The following DDX10 variants were observed in gnomAD, a reference collection of about 807,000 sequenced individuals.
DDX10 encodes the protein probable ATP-dependent RNA helicase DDX10.
A neutral mutation model predicts 104.3 loss-of-function variants in DDX10; 74 were observed. That is an observed-to-expected ratio of 0.71 (90% confidence interval 0.59 to 0.86). The LOEUF is 0.86. Ranked by LOEUF, DDX10 falls within the 40% of genes least tolerant of loss-of-function variation. DDX10 has a pLI of 0.00. For missense variants in DDX10, 952 were observed against 1,040.0 expected (o/e 0.92, Z 1.16); for synonymous variants, 351 against 353.4 (o/e 0.99, Z 0.08).
chr11:108,724,309 T>G (rs188263879), intron 13 of DDX10, among the ~76,000 whole-genome samples: 1 of 152,094 alleles, frequency 6.6e-6, no homozygotes, highest in African/African-American at 2.4e-5. Flanking sequence ...GAAAATGTGC[T>G]TATTGAACAC....
chr11:108,796,238 TC>T (rs1861939694), intron 13 of DDX10, among the ~76,000 whole-genome samples: 1 of 152,246 alleles, frequency 6.6e-6, no homozygotes, highest in Admixed American at 6.5e-5. Context: ...AGAAAAGACA[TC>T]AGTTTTACTG....
chr11:108,792,543 A>G (rs182621472), intron 13 of DDX10, among the ~76,000 whole-genome samples: 1 of 152,250 alleles, frequency 6.6e-6, no homozygotes, highest in East Asian at 1.9e-4. Flanking sequence ...TTATCTTGGT[A>G]CCTTTAGAAA....
Position 108,719,859 on chromosome 11 carries a change from C to T in DDX10, c.1473C>T (p.Ser491=). The T allele has an allele frequency of 6.3e-7, 1 of 1,599,990 alleles. No individual in the cohort carries two copies. Among genetic ancestry groups the T allele is most frequent in the Non-Finnish European group, 8.6e-7 (1 of 1,167,204 alleles). ...LMKDKEVFDV[S]KLPIPEYALS... ...AGGATAAAGAAGTATTTGATGTGAG[C>T]AAGTTACCTATACCTGAATATGCCC... The change falls in exon 12 of 18, where the codon AGC becomes AGT. Residue 491 remains serine, a synonymous_variant. Coordinates refer to ENST00000322536, the MANE Select transcript of DDX10 (RefSeq NM_004398.4).
At chr11:108,906,473 A>C (rs1345058980) in intron 16 of DDX10, among the ~76,000 whole-genome samples, 1 of 152,234 alleles carries the variant, frequency 6.6e-6, no homozygotes, top group Non-Finnish European at 1.5e-5. Context: ...TCCAGTGCTC[A>C]TAACAGCCTT....
intron 13 of DDX10, among the ~76,000 whole-genome samples, chr11:108,777,415 T>A (rs1339839517): frequency 1.3e-5 from 2 of 152,120 alleles, no homozygotes; most frequent in African/African-American, 4.8e-5. Context: ...CTGCAACCTC[T>A]GCCTCCTGGA....
In DDX10 at chr11:108,840,259, C is replaced by T. The variant is rs552730549; in HGVS notation, c.2086-1056C>T. Among the ~76,000 whole-genome samples, 7 of 152,304 alleles carry T rather than the reference C, an allele frequency of 4.6e-5. No homozygotes were observed. In the South Asian group the frequency reaches 1.2e-3, roughly 27 times the overall value. On this transcript the variant is annotated intron_variant, in intron 14 of 17. Coordinates refer to ENST00000322536, the MANE Select transcript of DDX10 (RefSeq NM_004398.4). ...AAAAGTTGAGGCTCCATAGGAATCT[C>T]ATCTTGAAGAATGGTTATGGTGGCC... is the stretch of plus-strand genomic sequence containing the variant.
chr11:108,939,601 A>G (rs1397083798), intron 17 of DDX10, among the ~76,000 whole-genome samples: 4 of 152,224 alleles, frequency 2.6e-5, no homozygotes, highest in East Asian at 3.8e-4. Flanking sequence ...TGTTTTTAGC[A>G]TATCAAGTGA....
chr11:108,856,452 A>T (rs1862871006), intron 16 of DDX10, among the ~76,000 whole-genome samples: 1 of 152,070 alleles, frequency 6.6e-6, no homozygotes, highest in African/African-American at 2.4e-5. Context: ...ACAAACAAAA[A>T]AAACCACCAA....
intron 1 of DDX10, among the ~76,000 whole-genome samples, chr11:108,665,926 C>T (rs918455676): frequency 1.3e-5 from 2 of 152,182 alleles, no homozygotes; most frequent in Non-Finnish European, 2.9e-5. Context: ...TTCATGTCCC[C>T]ATCCAAGAAT....
chr11:108,881,174 T>C (rs947781495), intron 16 of DDX10, among the ~76,000 whole-genome samples: 3 of 152,170 alleles, frequency 2.0e-5, no homozygotes, highest in Non-Finnish European at 4.4e-5. Context: ...CCTTTGTAAA[T>C]AGTCAAAAGC....
intron 13 of DDX10, among the ~76,000 whole-genome samples, chr11:108,790,539 G>C (rs190426407): frequency 4.3e-4 from 65 of 152,130 alleles, no homozygotes; most frequent in African/African-American, 1.6e-3. Context: ...TTCTCCTCTC[G>C]TTTTCTGTTT....
chr11:108,936,207 T>A (rs1169243911), intron 17 of DDX10, among the ~76,000 whole-genome samples: 2 of 152,226 alleles, frequency 1.3e-5, no homozygotes, highest in African/African-American at 4.8e-5. Flanking sequence ...TGTGTTCAGA[T>A]TACATATTAC....
chr11:108,803,125 C>T (rs999122540), intron 13 of DDX10, among the ~76,000 whole-genome samples: 7 of 152,058 alleles, frequency 4.6e-5, no homozygotes, highest in Admixed American at 2.0e-4. Context: ...TTCTTTTTTT[C>T]TTACTTTTCA....
intron 13 of DDX10, among the ~76,000 whole-genome samples, chr11:108,724,183 T>C (rs1362880268): frequency 1.3e-5 from 2 of 152,062 alleles, no homozygotes; most frequent in African/African-American, 2.4e-5. Context: ...ATTCTTACTC[T>C]TTATACAATG....
In DDX10 at chr11:108,678,254, T is replaced by G. The variant is rs544856008; in HGVS notation, c.538-61T>G. 60 of 1,544,508 alleles carry G rather than the reference T, an allele frequency of 3.9e-5. No individual in the cohort carries two copies. The African/African-American group carries it at 8.0e-4, about 21-fold the overall frequency. On this transcript the variant is annotated intron_variant, in intron 4 of 17. Coordinates refer to ENST00000322536, the MANE Select transcript of DDX10 (RefSeq NM_004398.4). The stretch of plus-strand genomic sequence containing the variant: ...GCCCATGCAGATGGCTTTTATAGCT[T>G]TGGTACACAGGCTGCTGAGAGTGAT...
chr11:108,707,631 T>G (rs1173834401), intron 10 of DDX10, among the ~76,000 whole-genome samples: 1 of 152,178 alleles, frequency 6.6e-6, no homozygotes, highest in African/African-American at 2.4e-5. Flanking sequence ...CCATAAAGGC[T>G]AGTAAGTTGT....
chr11:108,816,668 T>G (rs2134573169), intron 13 of DDX10, among the ~76,000 whole-genome samples: 1 of 151,868 alleles, frequency 6.6e-6, no homozygotes, highest in South Asian at 2.1e-4. Context: ...TTTTCCTGCC[T>G]CAGCCTCCCA....
chr11:108,721,193 G>C (rs2094297916), intron 12 of DDX10, among the ~76,000 whole-genome samples: 1 of 152,000 alleles, frequency 6.6e-6, no homozygotes, highest in South Asian at 2.1e-4. Context: ...TAGATTGTAT[G>C]TTTACCATAA....
At chr11:108,885,718 GC>G (rs1863287924) in intron 16 of DDX10, among the ~76,000 whole-genome samples, 1 of 152,092 alleles carries the variant, frequency 6.6e-6, no homozygotes, top group African/African-American at 2.4e-5. Flanking sequence ...CCCTGCCTCT[GC>G]CCCCATTTTC....
Sources: gnomAD v4.1 joint callset for allele counts (sites outside exome capture counted in the v4.1 genomes callset) on GRCh38, gnomAD v4.1.1 for gene constraint, MANE v1.5 for transcripts, NCBI Gene and HGNC (gene_info 2026-07-23, HGNC 2026-07-21) for gene names.